SLC44A1: variants seen among roughly 807,000 people sequenced by gnomAD.
SLC44A1 encodes solute carrier family 44 member 1, also known as choline transporter-like protein 1.
SLC44A1 carries 26 observed loss-of-function variants against 79.3 expected under a neutral mutation model. The ratio of observed to expected loss-of-function variants is 0.33; its 90% CI spans 0.24 to 0.46. The LOEUF (loss-of-function observed/expected upper bound fraction) is 0.46. Among genes scored for constraint, SLC44A1 ranks in the 20% least tolerant of loss-of-function variants. SLC44A1 has a pLI of 1.00. For synonymous variants in SLC44A1, 263 were observed against 286.2 expected (o/e 0.92, Z 0.82); for missense variants, 688 against 798.1 (o/e 0.86, Z 1.66).
At chr9:105,260,939 G>A (rs1210760590) in intron 1 of SLC44A1, among the ~76,000 whole-genome samples, 2 of 152,166 alleles carry the variant, frequency 1.3e-5, no homozygotes, top group African/African-American at 2.4e-5. Flanking sequence ...CTCAATAAAT[G>A]TTTATTGAAT....
At chr9:105,373,084 C>T (rs1399247487) in intron 12 of SLC44A1, among the ~76,000 whole-genome samples, 1 of 152,114 alleles carries the variant, frequency 6.6e-6, no homozygotes, top group African/African-American at 2.4e-5. Context: ...ATTCAAACCT[C>T]ATCTTCATTA....
chr9:105,254,087 G>A, intron 1 of SLC44A1, among the ~76,000 whole-genome samples: 1 of 152,248 alleles, frequency 6.6e-6, no homozygotes, highest in South Asian at 2.1e-4. Context: ...AATCCAAATA[G>A]CTAAAACATT....
At chr9:105,423,214 G>A (rs1253590940) in intron 15 of SLC44A1, among the ~76,000 whole-genome samples, 1 of 152,028 alleles carries the variant, frequency 6.6e-6, no homozygotes, top group African/African-American at 2.4e-5. Flanking sequence ...GCCAGGGTGG[G>A]CGGATCACCT....
intron 9 of SLC44A1, among the ~76,000 whole-genome samples, chr9:105,363,441 A>G (rs1827844670): frequency 6.6e-6 from 1 of 151,804 alleles, no homozygotes; most frequent in Non-Finnish European, 1.5e-5. Flanking sequence ...AAGTGTTGGG[A>G]TTATAGGCGT....
chr9:105,287,126 A>G (rs570905883), intron 1 of SLC44A1, among the ~76,000 whole-genome samples: 1 of 152,336 alleles, frequency 6.6e-6, no homozygotes, highest in Non-Finnish European at 1.5e-5. Context: ...TATTTATTGA[A>G]TGAATGGATT....
intron 3 of SLC44A1, among the ~76,000 whole-genome samples, chr9:105,332,390 G>T (rs1826779977): frequency 6.6e-6 from 1 of 152,080 alleles, no homozygotes; most frequent in South Asian, 2.1e-4. Context: ...AAAGTGCTGG[G>T]TTTACAGGCT....
intron 13 of SLC44A1, among the ~76,000 whole-genome samples, chr9:105,376,835 G>C (rs936863190): frequency 6.6e-6 from 1 of 152,192 alleles, no homozygotes; most frequent in Admixed American, 6.5e-5. Flanking sequence ...GTCCTCCCCT[G>C]TAAGGTGAGC....
At chr9:105,413,159 T>C (rs1233196158) in intron 15 of SLC44A1, among the ~76,000 whole-genome samples, 1 of 152,220 alleles carries the variant, frequency 6.6e-6, no homozygotes, top group Non-Finnish European at 1.5e-5. Flanking sequence ...TCAATTAACA[T>C]ATGTTAATCA....
At chr9:105,315,371 G>A (rs1418595680) in intron 3 of SLC44A1, among the ~76,000 whole-genome samples, 1 of 148,136 alleles carries the variant, frequency 6.8e-6, no homozygotes, top group Non-Finnish European at 1.5e-5. Flanking sequence ...ATAATTGATT[G>A]TTTAATAAAC....
At chr9:105,288,589 T>A (rs1386151236) in intron 1 of SLC44A1, among the ~76,000 whole-genome samples, 2 of 152,208 alleles carry the variant, frequency 1.3e-5, no homozygotes, top group African/African-American at 2.4e-5. Flanking sequence ...GATTAAGCGA[T>A]CCTCTAGCCT....
At chr9:105,245,804 C>G (rs1829428767) in intron 1 of SLC44A1, among the ~76,000 whole-genome samples, 1 of 152,194 alleles carries the variant, frequency 6.6e-6, no homozygotes, top group Admixed American at 6.5e-5. Flanking sequence ...CTCTCGGATC[C>G]GAGCCCTTAA....
At chr9:105,359,689 T>C (rs1827725119) in intron 7 of SLC44A1, among the ~76,000 whole-genome samples, 1 of 152,194 alleles carries the variant, frequency 6.6e-6, no homozygotes, top group Admixed American at 6.5e-5. Context: ...TTCATTTCTG[T>C]ATGTAGGAAA....
intron 3 of SLC44A1, among the ~76,000 whole-genome samples, chr9:105,310,885 A>T (rs188865506): frequency 6.7e-4 from 102 of 152,338 alleles, no homozygotes; most frequent in Non-Finnish European, 1.6e-4. Context: ...TGTAAATAAC[A>T]GCGATGAGTG....
intron 15 of SLC44A1, among the ~76,000 whole-genome samples, chr9:105,421,943 T>G (rs1564058861): frequency 5.9e-5 from 9 of 152,166 alleles, no homozygotes. Flanking sequence ...TTTTTCAGTC[T>G]TGCACAGGCC....
intron 14 of SLC44A1, among the ~76,000 whole-genome samples, chr9:105,385,171 A>G (rs186872169): frequency 6.6e-6 from 1 of 152,352 alleles, no homozygotes; most frequent in East Asian, 1.9e-4. Context: ...AACTAACATT[A>G]TCTCTTGGAG....
At chr9:105,356,442 T>C in intron 6 of SLC44A1, 61 bp downstream of exon 6, 2 of 1,198,918 alleles carry the variant, frequency 1.7e-6, no homozygotes, top group Non-Finnish European at 2.3e-6. Flanking sequence ...TGTTTTGTCT[T>C]TTAGCCAAAA....
chr9:105,356,009 T>C, intron 5 of SLC44A1: 1 of 561,752 alleles, frequency 1.8e-6, no homozygotes, highest in Non-Finnish European at 3.1e-6. Flanking sequence ...CCACCCTCTT[T>C]GATAAGGCTT....
chr9:105,259,616 A>C (rs1829795467), intron 1 of SLC44A1, among the ~76,000 whole-genome samples: 1 of 152,204 alleles, frequency 6.6e-6, no homozygotes, highest in African/African-American at 2.4e-5. Flanking sequence ...AGTTTTTCCA[A>C]ATCTATTTTG....
In SLC44A1 at chr9:105,394,517, A is replaced by G. The variant is rs929351689; in HGVS notation, c.*5461A>G. 1,558 of 985,068 alleles carry G rather than the reference A, an allele frequency of 1.6e-3. 2 individuals are homozygous for G. Among genetic ancestry groups the G allele is most frequent in the Non-Finnish European group, 1.8e-3 (1,516 of 829,884 alleles). The allele number at this position is 985,068 out of a possible 1,614,324, so 61.0% of individuals were successfully genotyped here. On this transcript the variant is annotated 3_prime_UTR_variant, in exon 16 of 16. Coordinates refer to ENST00000374720, the MANE Select transcript of SLC44A1 (RefSeq NM_080546.5). The stretch of plus-strand genomic sequence containing the variant: ...GATTATTTGCAGTGAGCCAAAAAAA[A>G]AAAAATATCCAAGAAGAAATAAATA...
Sources: gnomAD v4.1 joint callset for allele counts (sites outside exome capture counted in the v4.1 genomes callset) on GRCh38, gnomAD v4.1.1 for gene constraint, MANE v1.5 for transcripts, NCBI Gene and HGNC (gene_info 2026-07-23, HGNC 2026-07-21) for gene names.